The following TMEM244 variants were observed in gnomAD, a reference collection of about 807,000 sequenced individuals.
The protein encoded by TMEM244 is transmembrane protein 244, also known as putative transmembrane protein 244.
TMEM244 carries 13 observed loss-of-function variants against 15.8 expected under a neutral mutation model. The observed-to-expected ratio is 0.82, with a 90% confidence interval of 0.53 to 1.30. The LOEUF (loss-of-function observed/expected upper bound fraction) is 1.30. TMEM244 is among the 50% of genes most tolerant of loss of function. The probability of loss-of-function intolerance (pLI) is 0.00; values close to 1 mark genes in which losing one functional copy is unlikely to be tolerated. For synonymous variants in TMEM244, 45 were observed against 48.7 expected (o/e 0.92, Z 0.32); for missense variants, 161 against 144.9 (o/e 1.11, Z -0.57).
intron 1 of TMEM244, among the ~76,000 whole-genome samples, chr6:129,851,638 T>C (rs2114643877): frequency 6.6e-6 from 1 of 152,226 alleles, no homozygotes; most frequent in Admixed American, 6.5e-5. Context: ...ACAAGTTGAG[T>C]GAATAGCCCA....
At chr6:129,854,010 C>A (rs910875837) in intron 1 of TMEM244, among the ~76,000 whole-genome samples, 1 of 152,114 alleles carries the variant, frequency 6.6e-6, no homozygotes, top group Admixed American at 6.6e-5. Flanking sequence ...TTCTTGTTGT[C>A]GCATTTAACA....
chr6:129,835,625 G>C (rs918084105), intron 3 of TMEM244, among the ~76,000 whole-genome samples: 1 of 152,158 alleles, frequency 6.6e-6, no homozygotes, highest in Non-Finnish European at 1.5e-5. Context: ...GAAGCACAAG[G>C]GGTGGGGCGA....
Position 129,845,809 on chromosome 6 carries a change from G to A in TMEM244, c.77C>T (p.Thr26Ile). 1 of 1,613,446 alleles carries A rather than the reference G, an allele frequency of 6.2e-7. No individual in the cohort carries two copies. The highest frequency in any genetic ancestry group is 1.1e-5 in the South Asian group (1 of 90,906). ...KFLLCVILFY[T>I]VYYVSLSMGC... ...CATGCTCAGGGACACATAGTACACA[G>A]TGTAGAAAAGAATGACACATAGAAG... The change falls in exon 2 of 5, where the codon ACT (threonine) becomes ATT (isoleucine). Residue 26 changes from threonine to isoleucine, a missense_variant. Transcript: ENST00000368143.
chr6:129,843,541 A>C lies in TMEM244; in HGVS notation c.182T>G (p.Ile61Arg). Residue 61 changes from isoleucine (I) to arginine (R), a missense_variant, in exon 3 of 5, where the codon ATA becomes AGA. Physicochemically the swap from Ile to Arg is moderately conservative, Grantham distance 97 (BLOSUM62 -3). Transcript: ENST00000368143. Reference protein sequence around the residue: ...DFKTNPSWLNINYKVLLVSTE... With the variant: ...DFKTNPSWLNRNYKVLLVSTE... Reference sequence around the variant, plus strand: ...ATTAAAACAATTACCTTTATAGTTTATGTTGAGCCATGAGGGATTTGTTTT... The same window carrying C: ...ATTAAAACAATTACCTTTATAGTTTCTGTTGAGCCATGAGGGATTTGTTTT... The C allele has an allele frequency of 6.2e-7, 1 of 1,609,956 alleles. No individual in the cohort carries two copies. Among genetic ancestry groups the C allele is most frequent in the Non-Finnish European group, 8.5e-7 (1 of 1,176,656 alleles).
chr6:129,845,458 A>T (rs755108682), intron 2 of TMEM244, among the ~76,000 whole-genome samples: 11 of 152,152 alleles, frequency 7.2e-5, no homozygotes, highest in Non-Finnish European at 1.6e-4. Context: ...TCATTTTCAG[A>T]TAGAACATTT....
Position 129,843,546 on chromosome 6 carries a change from G to T in TMEM244, c.177C>A (p.Leu59=), listed in dbSNP as rs774869538. 3 of 1,610,400 alleles carry T rather than the reference G, an allele frequency of 1.9e-6. No homozygotes were observed. The South Asian group carries it at 3.3e-5, about 18-fold the overall frequency. The change falls in exon 3 of 5, where the codon CTC becomes CTA. Residue 59 remains leucine (L), a synonymous_variant. Transcript: ENST00000368143. ...PFDFKTNPSW[L]NINYKVLLVS... ...AACAATTACCTTTATAGTTTATGTT[G>T]AGCCATGAGGGATTTGTTTTGAAAT... is the stretch of plus-strand genomic sequence containing the variant.
intron 2 of TMEM244, among the ~76,000 whole-genome samples, 167 bp downstream of exon 2, chr6:129,845,599 CA>C (rs1776550201): frequency 6.6e-6 from 1 of 152,186 alleles, no homozygotes; most frequent in Non-Finnish European, 1.5e-5. Flanking sequence ...GGCAACATAG[CA>C]AGACCTTGTC....
At chr6:129,836,114 G>T (rs997102219) in intron 3 of TMEM244, among the ~76,000 whole-genome samples, 1 of 152,136 alleles carries the variant, frequency 6.6e-6, no homozygotes, top group African/African-American at 2.4e-5. Context: ...CTCCTCAAAT[G>T]AGTCCCTGAC....
intron 1 of TMEM244, among the ~76,000 whole-genome samples, chr6:129,846,083 T>C (rs747166053): frequency 2.6e-5 from 4 of 152,222 alleles, no homozygotes; most frequent in East Asian, 1.9e-4. Flanking sequence ...CTTCCTACCA[T>C]GTATTGAAAT....
intron 1 of TMEM244, among the ~76,000 whole-genome samples, chr6:129,851,722 T>C (rs1776639613): frequency 6.6e-6 from 1 of 152,218 alleles, no homozygotes; most frequent in African/African-American, 2.4e-5. Flanking sequence ...GTAAAAGCAC[T>C]TAATAATGCT....
At chr6:129,833,361 C>A in intron 4 of TMEM244, 99 bp downstream of exon 4, 1 of 1,315,246 alleles carries the variant, frequency 7.6e-7, no homozygotes. Context: ...AGCTATCATA[C>A]AAGAATATGC....
intron 1 of TMEM244, among the ~76,000 whole-genome samples, chr6:129,851,561 C>T (rs934377712): frequency 8.5e-5 from 13 of 152,150 alleles, no homozygotes; most frequent in Non-Finnish European, 1.6e-4. Context: ...TGAGTCACTG[C>T]GCCTGGCCTG....
chr6:129,844,268 T>A (rs1776532574), intron 2 of TMEM244, among the ~76,000 whole-genome samples: 1 of 152,228 alleles, frequency 6.6e-6, no homozygotes, highest in African/African-American at 2.4e-5. Context: ...TTCCACTTTG[T>A]CCACCAAGTG....
chr6:129,852,449 T>C (rs1776647699), intron 1 of TMEM244, among the ~76,000 whole-genome samples: 1 of 152,118 alleles, frequency 6.6e-6, no homozygotes, highest in Non-Finnish European at 1.5e-5. Context: ...TTCATCTTTA[T>C]CATTGGAGCA....
intron 3 of TMEM244, among the ~76,000 whole-genome samples, chr6:129,842,607 T>C (rs1263415918): frequency 6.6e-6 from 1 of 152,012 alleles, no homozygotes; most frequent in Non-Finnish European, 1.5e-5. Context: ...AATTGTATTG[T>C]TTAAGGAATT....
chr6:129,861,213 G>A lies in TMEM244; in HGVS notation c.-25C>T, dbSNP rs775436431. ...TGTACACATCCTACGTCAAGGAGGT[G>A]ATGAAAGCCCCACTCCTTATAGCGA... On this transcript the variant is annotated 5_prime_UTR_variant, in exon 1 of 5. Coordinates refer to ENST00000368143, the MANE Select transcript of TMEM244 (RefSeq NM_001010876.2). 2 of 1,613,390 alleles carry A rather than the reference G, an allele frequency of 1.2e-6. No individual in the cohort carries two copies. The highest frequency in any genetic ancestry group is 1.7e-6 in the Non-Finnish European group (2 of 1,179,494).
chr6:129,857,826 A>G lies in TMEM244; in HGVS notation c.33+3330T>C, dbSNP rs138413402. On this transcript the variant is annotated intron_variant, in intron 1 of 4. Transcript: ENST00000368143. Reference sequence around the variant, plus strand: ...TATATATATATACACACATATATATATGTGTATATATATGTACATATATAT... The same window carrying G: ...TATATATATATACACACATATATATGTGTGTATATATATGTACATATATAT... Among the ~76,000 whole-genome samples, 7 of 149,640 alleles carry G rather than the reference A, an allele frequency of 4.7e-5. No homozygotes were observed. In the Admixed American group the frequency reaches 4.7e-4, roughly 10 times the overall value.
chr6:129,853,035 T>C (rs541980586), intron 1 of TMEM244, among the ~76,000 whole-genome samples: 57 of 152,198 alleles, frequency 3.7e-4, no homozygotes, highest in Non-Finnish European at 6.6e-4. Context: ...CAGCATTGAA[T>C]GTTCCTCTTC....
chr6:129,854,381 T>TCAC (rs1160527724), intron 1 of TMEM244, among the ~76,000 whole-genome samples: 16 of 151,984 alleles, frequency 1.1e-4, no homozygotes, highest in Non-Finnish European at 4.4e-5. Flanking sequence ...AGTGAGAGAG[T>TCAC]CACCAATCAG....
Sources: gnomAD v4.1 joint callset for allele counts (sites outside exome capture counted in the v4.1 genomes callset) on GRCh38, gnomAD v4.1.1 for gene constraint, MANE v1.5 for transcripts, NCBI Gene and HGNC (gene_info 2026-07-23, HGNC 2026-07-21) for gene names.